CFAP299: variants seen among roughly 807,000 people sequenced by gnomAD.
CFAP299 encodes the protein cilia- and flagella-associated protein 299.
CFAP299 carries 21 observed loss-of-function variants against 27.0 expected under a neutral mutation model. That is an observed-to-expected ratio of 0.78 (90% CI 0.55 to 1.12). The LOEUF (loss-of-function observed/expected upper bound fraction) is 1.12. Ranked by LOEUF, CFAP299 falls within the 50% of genes most tolerant of loss-of-function variation. CFAP299 has a pLI of 0.00. For missense variants in CFAP299, 310 were observed against 276.6 expected, an observed-to-expected ratio of 1.12 and a Z score of -0.86; for synonymous variants, 104 against 98.1, an observed-to-expected ratio of 1.06 and a Z score of -0.36.
chr4:80,388,188 G>A, intron 2 of CFAP299: 1 of 691,788 alleles, frequency 1.4e-6, no homozygotes, highest in South Asian at 1.6e-5. Context: ...GGGGGTGAAG[G>A]CTAGGTGAGG....
At chr4:80,860,125 T>C (rs1732223532) in intron 3 of CFAP299, among the ~76,000 whole-genome samples, 1 of 152,180 alleles carries the variant, frequency 6.6e-6, no homozygotes, top group Non-Finnish European at 1.5e-5. Context: ...TATTCTTTTT[T>C]CTCTAAACTT....
intron 3 of CFAP299, among the ~76,000 whole-genome samples, chr4:80,795,558 G>T (rs2110101830): frequency 6.6e-6 from 1 of 152,298 alleles, no homozygotes. Context: ...ACTGGTGCAG[G>T]CTGGGGGAGA....
At chr4:80,479,621 A>G (rs1443392707) in intron 2 of CFAP299, among the ~76,000 whole-genome samples, 5 of 152,028 alleles carry the variant, frequency 3.3e-5, no homozygotes, top group Non-Finnish European at 5.9e-5. Context: ...CAGACTGATA[A>G]TGAATTATTT....
chr4:80,649,992 T>C (rs1326833713), intron 3 of CFAP299, among the ~76,000 whole-genome samples: 1 of 152,102 alleles, frequency 6.6e-6, no homozygotes, highest in African/African-American at 2.4e-5. Flanking sequence ...TTTTTTTCAA[T>C]GCTCTACTGG....
At chr4:80,405,980 T>G (rs959255623) in intron 2 of CFAP299, among the ~76,000 whole-genome samples, 1 of 152,142 alleles carries the variant, frequency 6.6e-6, no homozygotes, top group Non-Finnish European at 1.5e-5. Flanking sequence ...TAGAAAATGA[T>G]AGCATTATGG....
intron 3 of CFAP299, among the ~76,000 whole-genome samples, chr4:80,687,926 A>G (rs1354642255): frequency 6.6e-6 from 1 of 152,184 alleles, no homozygotes; most frequent in Non-Finnish European, 1.5e-5. Context: ...GAAAGGGGTG[A>G]CAGACGGCAC....
chr4:80,847,456 G>C (rs1560442382), intron 3 of CFAP299, among the ~76,000 whole-genome samples: 2 of 152,178 alleles, frequency 1.3e-5, no homozygotes, highest in Non-Finnish European at 2.9e-5. Flanking sequence ...GGGAAGTCTA[G>C]TGGCAGAGAT....
At chr4:80,387,682 G>T in intron 2 of CFAP299, 1 of 1,570,288 alleles carries the variant, frequency 6.4e-7, no homozygotes, top group Non-Finnish European at 8.8e-7. Flanking sequence ...AGACTTCTGG[G>T]CAAAGGCATG....
At chr4:80,941,109 G>T (rs1281626054) in intron 4 of CFAP299, among the ~76,000 whole-genome samples, 1 of 152,002 alleles carries the variant, frequency 6.6e-6, no homozygotes, top group African/African-American at 2.4e-5. Context: ...AGTCATCTCT[G>T]GATCACTTAA....
intron 3 of CFAP299, among the ~76,000 whole-genome samples, chr4:80,689,368 A>T (rs1175858347): frequency 6.6e-6 from 1 of 152,234 alleles, no homozygotes; most frequent in East Asian, 1.9e-4. Context: ...ACAAGCCAGA[A>T]CAGAGTGGGG....
At chr4:80,879,396 C>A (rs1733575844) in intron 4 of CFAP299, among the ~76,000 whole-genome samples, 1 of 152,132 alleles carries the variant, frequency 6.6e-6, no homozygotes, top group East Asian at 1.9e-4. Flanking sequence ...GGGACTAGAT[C>A]TTAGGTCTCC....
chr4:80,462,967 A>G (rs1729519308), intron 2 of CFAP299, among the ~76,000 whole-genome samples: 1 of 152,178 alleles, frequency 6.6e-6, no homozygotes, highest in Admixed American at 6.6e-5. Context: ...TGACCCCTCA[A>G]GACAACAGAA....
chr4:80,374,346 T>G (rs1388195275), intron 2 of CFAP299, among the ~76,000 whole-genome samples: 1 of 152,152 alleles, frequency 6.6e-6, no homozygotes, highest in African/African-American at 2.4e-5. Context: ...ATCTGTGACT[T>G]GACCATATTA....
intron 3 of CFAP299, among the ~76,000 whole-genome samples, chr4:80,716,993 A>C (rs2110041950): frequency 6.6e-6 from 1 of 152,252 alleles, no homozygotes; most frequent in African/African-American, 2.4e-5. Context: ...AAACCTGCAC[A>C]ACTATTGGGA....
intron 3 of CFAP299, among the ~76,000 whole-genome samples, chr4:80,840,462 AT>A (rs1730802891): frequency 6.6e-6 from 1 of 152,116 alleles, no homozygotes; most frequent in Non-Finnish European, 1.5e-5. Flanking sequence ...TAAGAACAAA[AT>A]TATTTTACAT....
At chr4:80,664,721 T>C (rs577607191) in intron 3 of CFAP299, among the ~76,000 whole-genome samples, 2 of 152,174 alleles carry the variant, frequency 1.3e-5, no homozygotes, top group South Asian at 4.2e-4. Context: ...TTCAGCCCCC[T>C]TTCCAGGGGA....
chr4:80,347,271 C>G (rs1480790736), intron 1 of CFAP299, among the ~76,000 whole-genome samples: 1 of 152,152 alleles, frequency 6.6e-6, no homozygotes, highest in Non-Finnish European at 1.5e-5. Context: ...TTAATTCTTT[C>G]TCTTGCTTGA....
chr4:80,586,680 G>A (rs1167106991), intron 3 of CFAP299, among the ~76,000 whole-genome samples: 1 of 152,048 alleles, frequency 6.6e-6, no homozygotes, highest in Non-Finnish European at 1.5e-5. Context: ...GCTGGGAGAG[G>A]AGATAATTAT....
intron 4 of CFAP299, among the ~76,000 whole-genome samples, chr4:80,916,295 A>ATATATATATATT (rs1405206483): frequency 1.9e-4 from 24 of 125,554 alleles, no homozygotes; most frequent in African/African-American, 7.3e-4. Flanking sequence ...ATATATATAT[A>ATATATATATATT]TTTCAGGTAC....
Sources: gnomAD v4.1 joint callset for allele counts (sites outside exome capture counted in the v4.1 genomes callset) on GRCh38, gnomAD v4.1.1 for gene constraint, MANE v1.5 for transcripts, NCBI Gene and HGNC (gene_info 2026-07-23, HGNC 2026-07-21) for gene names.